Variants in LRRCC1 observed in about 807,000 individuals in gnomAD.
LRRCC1 encodes leucine-rich repeat and coiled-coil domain-containing protein 1.
In LRRCC1, 115 loss-of-function variants were observed where a neutral mutation model predicts 126.0. That is an observed-to-expected ratio of 0.91 (90% CI 0.78 to 1.07). The LOEUF is 1.07. Among genes scored for constraint, LRRCC1 ranks in the 50% least tolerant of loss-of-function variants. The pLI is 0.00. For synonymous variants in LRRCC1, 400 were observed against 393.4 expected (o/e 1.02, Z -0.20); for missense variants, 1,172 against 1,175.7 (o/e 1.00, Z 0.05).
chr8:85,108,465 A>G (rs144545638), intron 1 of LRRCC1, among the ~76,000 whole-genome samples: 1 of 152,214 alleles, frequency 6.6e-6, no homozygotes, highest in African/African-American at 2.4e-5. Context: ...TGAAGAATTA[A>G]GTTCGGATTC....
At chr8:85,143,207 G>T (rs1811381097) in intron 18 of LRRCC1, among the ~76,000 whole-genome samples, 2 of 152,022 alleles carry the variant, frequency 1.3e-5, no homozygotes, top group Non-Finnish European at 1.5e-5. Flanking sequence ...CTGTAATCCA[G>T]CTACTTGGGA....
At chr8:85,136,326 G>A (rs570821279) in intron 14 of LRRCC1, among the ~76,000 whole-genome samples, 2 of 151,906 alleles carry the variant, frequency 1.3e-5, no homozygotes. Flanking sequence ...CCAGGCTGGA[G>A]TGCAGTAGCG....
intron 6 of LRRCC1, among the ~76,000 whole-genome samples, chr8:85,119,829 G>A (rs1039242384): frequency 2.0e-5 from 3 of 152,028 alleles, no homozygotes; most frequent in African/African-American, 4.8e-5. Flanking sequence ...TTAGGTCATC[G>A]ATTTTAGACA....
chr8:85,135,027 T>A lies in LRRCC1; in HGVS notation c.2149T>A (p.Leu717Ile). 1.3e-6 allele frequency: 2 copies of A among 1,537,038 alleles called. No individual in the cohort carries two copies. Among genetic ancestry groups the A allele is most frequent in the South Asian group, 2.6e-5 (2 of 77,510 alleles). The change falls in exon 13 of 19, where the codon TTA (leucine) becomes ATA (isoleucine). Residue 717 changes from leucine (L) to isoleucine (I), a missense_variant. By Grantham distance (5) the Leu-to-Ile change is conservative. Transcript: ENST00000360375. ...ATTGAAACAAGAAACAGCAGCAAAT[T>A]TACAGGTAAGACTTTGCAACATTAT... is the stretch of plus-strand genomic sequence containing the variant. ...SKLKQETAAN[L>I]QNQINTLEIL...
intron 8 of LRRCC1, among the ~76,000 whole-genome samples, chr8:85,125,475 C>T (rs1001207394): frequency 6.6e-6 from 1 of 150,788 alleles, no homozygotes; most frequent in Non-Finnish European, 1.5e-5. Context: ...AGATCGAGAC[C>T]ATCCCGGCTA....
At position 85,113,036 on chromosome 8, in the gene LRRCC1, C is replaced by T. The variant is rs1158451841; in HGVS notation, c.481C>T (p.His161Tyr). 8 of 1,611,982 alleles carry T rather than the reference C, an allele frequency of 5.0e-6. No homozygotes were observed. The highest frequency in any genetic ancestry group is 1.1e-5 in the South Asian group (1 of 90,806). ...CTTACTTCAGTGTATGGTAGGATTG[C>T]ACTTCCTGACCAATCTTATTTTGGA... is the stretch of plus-strand genomic sequence containing the variant. ...HHLLQCMVGLHFLTNLILEKD... is the reference protein window; with the variant it reads ...HHLLQCMVGLYFLTNLILEKD... The change falls in exon 4 of 19, where the codon CAC becomes TAC. Residue 161 changes from histidine (H) to tyrosine (Y), a missense_variant. His to Tyr is a moderately conservative substitution (Grantham distance 83, BLOSUM62 2). Transcript: ENST00000360375.
rs1808295822 is a variant in LRRCC1, at chr8:85,107,241, C to T, written c.-55C>T. 3 of 1,540,218 alleles carry T rather than the reference C, an allele frequency of 1.9e-6. No homozygotes were observed. The highest frequency in any genetic ancestry group is 2.6e-6 in the Non-Finnish European group (3 of 1,138,646). On this transcript the variant is annotated 5_prime_UTR_variant, in exon 1 of 19. Transcript: ENST00000360375. ...GCGCTTCCGGGAGGCTTGTCCCAAG[C>T]TCACGGACCCCTCGCTGGGTGCCGG...
At position 85,115,601 on chromosome 8, in the gene LRRCC1, C is replaced by A; in HGVS notation, c.930+17C>A. 2 of 1,497,246 alleles carry A rather than the reference C, an allele frequency of 1.3e-6. No homozygotes were observed. The highest frequency in any genetic ancestry group is 1.8e-6 in the Non-Finnish European group (2 of 1,083,864). The allele number at this position is 1,497,246 out of a possible 1,614,324, so 92.7% of individuals were successfully genotyped here. A position where few individuals can be genotyped will look rare whatever the true frequency, so the allele number is the denominator to read the frequency against. ...CTAAATGAAGTAACTATTTTTCCTACTTCTCTATAGACATGTTTATTGAAG... is the reference window on the plus strand; with the variant it reads ...CTAAATGAAGTAACTATTTTTCCTAATTCTCTATAGACATGTTTATTGAAG... On this transcript the variant is annotated intron_variant, in intron 6 of 18. Coordinates refer to ENST00000360375, the MANE Select transcript of LRRCC1 (RefSeq NM_033402.5).
At chr8:85,144,442 G>GTA (rs1405315942) in intron 18 of LRRCC1, among the ~76,000 whole-genome samples, 2 of 106,768 alleles carry the variant, frequency 1.9e-5, no homozygotes, top group Admixed American at 2.1e-4. Context: ...GTGTGTGTGT[G>GTA]TGTATATATA....
rs181478241 is a variant in LRRCC1, at chr8:85,112,964, C to T, written c.409C>T (p.Leu137Phe). 220 of 1,585,578 alleles carry T rather than the reference C, an allele frequency of 1.4e-4. No individual in the cohort carries two copies. The highest frequency in any genetic ancestry group is 4.2e-4 in the African/African-American group (31 of 73,758). ...TCCCCTTCATGGAATTAAGCATAAA[C>T]TTAGATATATTGATCTACATAGTAA... ...LIPLHGIKHK[L>F]RYIDLHSNRI... The change falls in exon 4 of 19, where the codon CTT becomes TTT. Residue 137 changes from leucine to phenylalanine, a missense_variant. Physicochemically the swap from Leu to Phe is conservative, Grantham distance 22. Transcript: ENST00000360375.
At chr8:85,112,800 A>T (rs1350645791) in intron 3 of LRRCC1, 132 bp from the exon 4 acceptor site, 1 of 506,752 alleles carries the variant, frequency 2.0e-6, no homozygotes, top group Non-Finnish European at 3.4e-6. Context: ...TATTCATTAG[A>T]TATAGCTGTT....
Position 85,131,945 on chromosome 8 carries a change from C to T in LRRCC1, c.1952C>T (p.Ala651Val). The change falls in exon 12 of 19, where the codon GCC (alanine) becomes GTC (valine). Residue 651 changes from alanine (A) to valine (V), a missense_variant. Ala to Val is a moderately conservative substitution (Grantham distance 64). Coordinates refer to ENST00000360375, the MANE Select transcript of LRRCC1 (RefSeq NM_033402.5). The part of the protein sequence containing the change: ...NEFRIALTVE[A>V]RRFQDVKDGF... ...TTCCGTATTGCTTTAACTGTTGAAG[C>T]CAGAAGATTTCAAGATGTAAGAATT... The T allele has an allele frequency of 6.2e-7, 1 of 1,610,168 alleles. No individual in the cohort carries two copies. The highest frequency in any genetic ancestry group is 8.5e-7 in the Non-Finnish European group (1 of 1,178,952).
At chr8:85,145,249 A>T in intron 18 of LRRCC1, 140 bp from the exon 19 acceptor site, 1 of 601,784 alleles carries the variant, frequency 1.7e-6, no homozygotes, top group Non-Finnish European at 2.7e-6. Context: ...TGAGCAAGTT[A>T]CATTTTACTG....
At chr8:85,141,242 A>G in intron 17 of LRRCC1, 140 bp from the exon 18 acceptor site, 1 of 593,746 alleles carries the variant, frequency 1.7e-6, no homozygotes, top group Non-Finnish European at 2.9e-6. Flanking sequence ...GTTACCCTAT[A>G]ATAGCCTTTG....
Position 85,135,042 on chromosome 8 carries a change from T to G in LRRCC1, c.2154+10T>G, listed in dbSNP as rs1257088593. The G allele has an allele frequency of 6.7e-7, 1 of 1,490,800 alleles. No individual in the cohort carries two copies. 92.3% of individuals were successfully genotyped at this position (1,490,800 alleles called of 1,614,324 possible). ...AGCAGCAAATTTACAGGTAAGACTTTGCAACATTATATGTTTTAAAATTTT... is the reference window on the plus strand; with the variant it reads ...AGCAGCAAATTTACAGGTAAGACTTGGCAACATTATATGTTTTAAAATTTT... On this transcript the variant is annotated intron_variant, in intron 13 of 18. Transcript: ENST00000360375.
At chr8:85,107,954 A>G (rs952939140) in intron 1 of LRRCC1, among the ~76,000 whole-genome samples, 2 of 152,232 alleles carry the variant, frequency 1.3e-5, no homozygotes, top group Non-Finnish European at 2.9e-5. Flanking sequence ...TAAACTTACT[A>G]TATTTAGTTC....
intron 3 of LRRCC1, among the ~76,000 whole-genome samples, chr8:85,111,425 T>A (rs1376761636): frequency 6.6e-6 from 1 of 152,226 alleles, no homozygotes; most frequent in East Asian, 1.9e-4. Flanking sequence ...GTCATTACTA[T>A]GTAATGTTTA....
At chr8:85,113,997 A>G in intron 4 of LRRCC1, among the ~76,000 whole-genome samples, 1 of 152,122 alleles carries the variant, frequency 6.6e-6, no homozygotes, top group Admixed American at 6.5e-5. Context: ...TGCAACTATA[A>G]GAAGGCTTTT....
chr8:85,116,318 A>G (rs1809121934), intron 6 of LRRCC1, among the ~76,000 whole-genome samples: 1 of 152,136 alleles, frequency 6.6e-6, no homozygotes, highest in East Asian at 1.9e-4. Context: ...TATAGTTCAA[A>G]GAGGCTATTA....
Sources: gnomAD v4.1 joint callset for allele counts (sites outside exome capture counted in the v4.1 genomes callset) on GRCh38, gnomAD v4.1.1 for gene constraint, MANE v1.5 for transcripts, NCBI Gene and HGNC (gene_info 2026-07-23, HGNC 2026-07-21) for gene names.